The following EXOC4 variants were observed in gnomAD, a reference collection of about 807,000 sequenced individuals.
EXOC4 encodes the protein exocyst complex component 4.
Under a neutral mutation model 107.2 loss-of-function variants are expected in EXOC4, and 71 were observed. The ratio of observed to expected loss-of-function variants is 0.66; its 90% CI spans 0.55 to 0.81. The LOEUF (loss-of-function observed/expected upper bound fraction) is 0.81. Among genes scored for constraint, EXOC4 ranks in the 30% least tolerant of loss-of-function variants. The probability of loss-of-function intolerance (pLI) is 0.00; values close to 1 mark genes in which losing one functional copy is unlikely to be tolerated. For missense variants in EXOC4, 1,108 were observed against 1,189.6 expected (o/e 0.93, Z 1.01); for synonymous variants, 456 against 441.2 (o/e 1.03, Z -0.42).
In EXOC4 at chr7:133,554,007, T is replaced by A. The variant is rs528556855; in HGVS notation, c.1417+73869T>A. ...CATATAATATAAATTCCATAGGAAA[T>A]AGCTGTTTAGGGGAATGAAGAGGTG... On this transcript the variant is annotated intron_variant, in intron 9 of 17. Transcript: ENST00000253861. Among the ~76,000 whole-genome samples, 3 of 152,236 alleles carry A rather than the reference T, an allele frequency of 2.0e-5. No homozygotes were observed. The South Asian group carries it at 6.2e-4, about 32-fold the overall frequency.
At position 133,422,944 on chromosome 7, in the gene EXOC4, C is replaced by T. The variant is rs1396104760; in HGVS notation, c.1182+47942C>T. Among the ~76,000 whole-genome samples the T allele has an allele frequency of 7.1e-4, 3 of 4,218 alleles. 1 individual carries two copies. The highest frequency in any genetic ancestry group is 1.1e-3 in the Non-Finnish European group (3 of 2,726). The allele number at this position is 4,218 out of a possible 152,430, so 2.8% of individuals were successfully genotyped here. A position where few individuals can be genotyped will look rare whatever the true frequency, so the allele number is the denominator to read the frequency against. On this transcript the variant is annotated intron_variant, in intron 7 of 17. Coordinates refer to ENST00000253861, the MANE Select transcript of EXOC4 (RefSeq NM_021807.4). ...AATAGAATTAATGGAGCAGGCCGGG[C>T]GCGGTGGCTCACGCCTGTAATCCCA...
intron 14 of EXOC4, among the ~76,000 whole-genome samples, chr7:133,954,144 G>A (rs1042822837): frequency 6.6e-6 from 1 of 152,176 alleles, no homozygotes; most frequent in Non-Finnish European, 1.5e-5. Context: ...GGAAACTGTG[G>A]ATTGACACTA....
intron 10 of EXOC4, among the ~76,000 whole-genome samples, chr7:133,699,666 T>C (rs1794615420): frequency 6.6e-6 from 1 of 152,174 alleles, no homozygotes; most frequent in Admixed American, 6.5e-5. Context: ...GGCCTGTCTT[T>C]CATCGCATCC....
intron 10 of EXOC4, among the ~76,000 whole-genome samples, chr7:133,666,115 CCT>C (rs898678496): frequency 2.0e-5 from 3 of 152,010 alleles, no homozygotes; most frequent in African/African-American, 7.2e-5. Context: ...ATAAATTTCC[CCT>C]GTTACAGTTC....
At chr7:133,597,891 T>G (rs1315176091) in intron 9 of EXOC4, among the ~76,000 whole-genome samples, 1 of 151,860 alleles carries the variant, frequency 6.6e-6, no homozygotes, top group African/African-American at 2.4e-5. Context: ...GGCGGGCACC[T>G]GTAATCAATC....
chr7:133,820,726 T>C (rs185836455), intron 11 of EXOC4, among the ~76,000 whole-genome samples: 34 of 152,316 alleles, frequency 2.2e-4, no homozygotes, highest in African/African-American at 7.9e-4. Flanking sequence ...CAACACCCAG[T>C]GTCACACAGC....
chr7:133,259,441 G>A (rs1425652106), intron 1 of EXOC4, among the ~76,000 whole-genome samples: 1 of 151,930 alleles, frequency 6.6e-6, no homozygotes, highest in Admixed American at 6.6e-5. Context: ...TGGCCAGGCT[G>A]GTCTCAAACT....
chr7:133,849,497 TATTACC>T (rs1245014587), intron 11 of EXOC4, among the ~76,000 whole-genome samples: 1 of 152,190 alleles, frequency 6.6e-6, no homozygotes, highest in Non-Finnish European at 1.5e-5. Context: ...ACATTTTGAG[TATTACC>T]ATTGTTTTTA....
intron 10 of EXOC4, among the ~76,000 whole-genome samples, chr7:133,705,245 T>G (rs896432594): frequency 1.3e-5 from 2 of 152,076 alleles, no homozygotes; most frequent in African/African-American, 4.8e-5. Context: ...TGTGTGCCTG[T>G]AATCCCAGCA....
chr7:133,621,166 C>T (rs1395452114), intron 9 of EXOC4, among the ~76,000 whole-genome samples: 2 of 152,194 alleles, frequency 1.3e-5, no homozygotes, highest in Non-Finnish European at 2.9e-5. Context: ...TATTATTAAC[C>T]TTCAAATTTG....
chr7:133,453,616 C>T (rs1798397107), intron 7 of EXOC4, among the ~76,000 whole-genome samples: 1 of 151,922 alleles, frequency 6.6e-6, no homozygotes, highest in East Asian at 1.9e-4. Flanking sequence ...TCTACTTTAA[C>T]AATATTTTCT....
rs1328782671 is a variant in EXOC4, at chr7:133,904,176, C to T, written c.1871+8441C>T. ...TTTTTGTTTTATGTGTTTTTTAAGTCGAAGAAATAAGTACATATTTGTATT... is the reference window on the plus strand; with the variant it reads ...TTTTTGTTTTATGTGTTTTTTAAGTTGAAGAAATAAGTACATATTTGTATT... On this transcript the variant is annotated intron_variant, in intron 12 of 17. Coordinates refer to ENST00000253861, the MANE Select transcript of EXOC4 (RefSeq NM_021807.4). Among the ~76,000 whole-genome samples the T allele has an allele frequency of 6.6e-5, 10 of 151,752 alleles. No homozygotes were observed. In the East Asian group the frequency reaches 1.4e-3, roughly 21 times the overall value.
chr7:133,830,966 G>T (rs960088008), intron 11 of EXOC4, among the ~76,000 whole-genome samples: 2 of 151,606 alleles, frequency 1.3e-5, no homozygotes, highest in African/African-American at 4.8e-5. Context: ...CAGTTTTTTT[G>T]TTTGTTTGTT....
chr7:133,417,103 G>A (rs1481638556), intron 7 of EXOC4, among the ~76,000 whole-genome samples: 2 of 152,192 alleles, frequency 1.3e-5, no homozygotes. Flanking sequence ...AGCATACAGG[G>A]TGTGTAATAG....
intron 6 of EXOC4, among the ~76,000 whole-genome samples, chr7:133,363,568 A>G (rs1018656285): frequency 1.3e-5 from 2 of 151,582 alleles, no homozygotes; most frequent in African/African-American, 2.4e-5. Flanking sequence ...ATGTTACTCA[A>G]TATTACATTT....
chr7:134,094,156 C>G, the EXOC4 span, among the ~76,000 whole-genome samples: 99 of 152,186 alleles, frequency 6.5e-4, no homozygotes, highest in African/African-American at 2.4e-3. Context: ...AAAGGATGAA[C>G]AAGATTAATA....
At chr7:133,634,361 GA>G (rs1257702013) in intron 10 of EXOC4, among the ~76,000 whole-genome samples, 1 of 152,114 alleles carries the variant, frequency 6.6e-6, no homozygotes, top group Admixed American at 6.5e-5. Context: ...GTCTCTTAGA[GA>G]GTAAATTTCT....
intron 9 of EXOC4, among the ~76,000 whole-genome samples, chr7:133,557,127 A>G (rs1245616858): frequency 1.3e-5 from 2 of 152,194 alleles, no homozygotes; most frequent in Non-Finnish European, 2.9e-5. Flanking sequence ...ATGTTGGACC[A>G]AGGAGACAGG....
At chr7:133,381,691 A>G (rs969276705) in intron 7 of EXOC4, among the ~76,000 whole-genome samples, 2 of 152,158 alleles carry the variant, frequency 1.3e-5, no homozygotes, top group African/African-American at 4.8e-5. Flanking sequence ...TTACAGTAAT[A>G]GTTTCTGAAC....
Sources: gnomAD v4.1 joint callset for allele counts (sites outside exome capture counted in the v4.1 genomes callset) on GRCh38, gnomAD v4.1.1 for gene constraint, MANE v1.5 for transcripts, NCBI Gene and HGNC (gene_info 2026-07-23, HGNC 2026-07-21) for gene names.